The following RABGAP1 variants were observed in gnomAD, a reference collection of about 807,000 sequenced individuals.
The protein encoded by RABGAP1 is rab GTPase-activating protein 1.
RABGAP1 carries 23 observed loss-of-function variants against 137.6 expected under a neutral mutation model. That is an observed-to-expected ratio of 0.17 (90% CI 0.12 to 0.24). The LOEUF is 0.24. Among genes scored for constraint, RABGAP1 ranks in the 10% least tolerant of loss-of-function variants. The pLI is 1.00. For missense variants in RABGAP1, 906 were observed against 1,275.8 expected, an observed-to-expected ratio of 0.71 and a Z score of 4.42; for synonymous variants, 451 against 450.7, an observed-to-expected ratio of 1.00 and a Z score of -0.01.
At chr9:122,949,251 A>G (rs1834097138) in intron 1 of RABGAP1, among the ~76,000 whole-genome samples, 1 of 151,832 alleles carries the variant, frequency 6.6e-6, no homozygotes, top group South Asian at 2.1e-4. Flanking sequence ...GGTGGCTCAC[A>G]CCTGTAATCC....
At chr9:123,021,230 A>G (rs2031608664) in intron 13 of RABGAP1, among the ~76,000 whole-genome samples, 1 of 151,940 alleles carries the variant, frequency 6.6e-6, no homozygotes, top group Admixed American at 6.6e-5. Context: ...ACTTTGTCTT[A>G]AAAAAGAAAA....
intron 12 of RABGAP1, 55 bp from the exon 13 acceptor site, chr9:123,020,254 C>T: frequency 7.5e-7 from 1 of 1,340,288 alleles, no homozygotes; most frequent in South Asian, 2.0e-5. Context: ...AAGTAACATT[C>T]TTTAGAGAAT....
chr9:123,059,910 G>T (rs1276538515), intron 13 of RABGAP1, among the ~76,000 whole-genome samples: 1 of 152,184 alleles, frequency 6.6e-6, no homozygotes, highest in African/African-American at 2.4e-5. Context: ...AATCATTTAG[G>T]CTGTTATATT....
chr9:122,958,968 C>T (rs1834694034), intron 2 of RABGAP1, among the ~76,000 whole-genome samples: 1 of 152,088 alleles, frequency 6.6e-6, no homozygotes, highest in African/African-American at 2.4e-5. Context: ...ATGATCACAC[C>T]ACTGTACTTC....
intron 2 of RABGAP1, among the ~76,000 whole-genome samples, chr9:122,967,145 A>G (rs1835202810): frequency 6.6e-6 from 1 of 152,200 alleles, no homozygotes; most frequent in African/African-American, 2.4e-5. Flanking sequence ...GGTATGTCTG[A>G]TTTGGCTAAT....
chr9:123,051,601 A>C (rs919510185), intron 13 of RABGAP1, among the ~76,000 whole-genome samples: 2 of 151,572 alleles, frequency 1.3e-5, no homozygotes, highest in African/African-American at 4.8e-5. Context: ...ACATGTTACT[A>C]GGGCCTTTAG....
At chr9:123,097,278 A>C (rs1385963366) in intron 21 of RABGAP1, among the ~76,000 whole-genome samples, 1 of 152,238 alleles carries the variant, frequency 6.6e-6, no homozygotes, top group Non-Finnish European at 1.5e-5. Flanking sequence ...TAATAACAAG[A>C]GAAAAATGCC....
intron 21 of RABGAP1, among the ~76,000 whole-genome samples, chr9:123,094,326 T>G (rs2035117554): frequency 6.6e-6 from 1 of 152,172 alleles, no homozygotes; most frequent in Non-Finnish European, 1.5e-5. Flanking sequence ...AGCTGTAGGT[T>G]TTTCGTAGAG....
intron 2 of RABGAP1, among the ~76,000 whole-genome samples, chr9:122,957,771 C>T (rs552089419): frequency 2.7e-4 from 41 of 152,116 alleles, no homozygotes; most frequent in Admixed American, 1.4e-3. Flanking sequence ...AACATCTTTT[C>T]TTGCAACAAA....
chr9:123,058,616 T>G (rs528248155), intron 13 of RABGAP1, among the ~76,000 whole-genome samples: 21 of 152,320 alleles, frequency 1.4e-4, no homozygotes, highest in African/African-American at 4.8e-4. Flanking sequence ...GAAAGAGATT[T>G]GGATTTTAGC....
chr9:122,978,330 T>C (rs958592153), intron 2 of RABGAP1, among the ~76,000 whole-genome samples: 2 of 152,248 alleles, frequency 1.3e-5, no homozygotes, highest in Admixed American at 6.5e-5. Context: ...GATTTGTCCA[T>C]GTTATTGTGT....
At chr9:122,947,044 A>G (rs10818768) in intron 1 of RABGAP1, among the ~76,000 whole-genome samples, 57,611 of 151,946 alleles carry the variant, frequency 0.38, 13,436 homozygotes, top group South Asian at 0.59. Flanking sequence ...TACCTCATGG[A>G]ACTGTAATGG....
intron 1 of RABGAP1, among the ~76,000 whole-genome samples, chr9:122,943,813 C>G (rs1224023556): frequency 6.6e-6 from 1 of 151,138 alleles, no homozygotes; most frequent in East Asian, 1.9e-4. Flanking sequence ...ATTAGCCAGG[C>G]GTGGTGGCAG....
chr9:123,035,763 T>C (rs1432434637), intron 13 of RABGAP1: 9 of 557,512 alleles, frequency 1.6e-5, no homozygotes, highest in Non-Finnish European at 2.8e-5. Flanking sequence ...ATACAAATTA[T>C]TCGTATGGAT....
At chr9:122,959,415 A>T (rs915479842) in intron 2 of RABGAP1, among the ~76,000 whole-genome samples, 2 of 149,686 alleles carry the variant, frequency 1.3e-5, no homozygotes, top group Non-Finnish European at 3.0e-5. Flanking sequence ...TTTGAATGGG[A>T]TCATGATCTA....
chr9:123,065,235 A>C, intron 13 of RABGAP1, 113 bp from the exon 14 acceptor site: 1 of 741,014 alleles, frequency 1.3e-6, no homozygotes, highest in African/African-American at 1.8e-5. Context: ...ACATATGTGT[A>C]TGTATGTCCC....
At chr9:123,083,202 GTAAATGATGGA>G (rs2034766984) in intron 19 of RABGAP1, among the ~76,000 whole-genome samples, 1 of 152,212 alleles carries the variant, frequency 6.6e-6, no homozygotes, top group Non-Finnish European at 1.5e-5. Context: ...CTGCTTTACT[GTAAATGATGGA>G]TTGAATGAAT....
chr9:123,083,570 T>A (rs904967905), intron 19 of RABGAP1, among the ~76,000 whole-genome samples: 1 of 152,234 alleles, frequency 6.6e-6, no homozygotes, highest in Non-Finnish European at 1.5e-5. Context: ...AGAAAAACAC[T>A]CTGGTGGTAG....
At chr9:122,975,027 T>G (rs1356603778) in intron 2 of RABGAP1, among the ~76,000 whole-genome samples, 1 of 152,250 alleles carries the variant, frequency 6.6e-6, no homozygotes, top group Non-Finnish European at 1.5e-5. Context: ...TTTAGTGTTA[T>G]AAGTAACATA....
Sources: allele counts gnomAD v4.1 joint callset (sites outside exome capture counted in the v4.1 genomes callset), GRCh38; gene constraint gnomAD v4.1.1; transcripts MANE v1.5; gene names NCBI Gene and HGNC (gene_info 2026-07-23, HGNC 2026-07-21).